Variants in DDHD1 observed in about 807,000 individuals in gnomAD.
DDHD1 encodes DDHD domain containing 1.
In DDHD1, 49 loss-of-function variants were observed where a neutral mutation model predicts 96.4. The ratio of observed to expected loss-of-function variants is 0.51; its 90% confidence interval spans 0.40 to 0.64. DDHD1 has a LOEUF of 0.64. Among genes scored for constraint, DDHD1 ranks in the 30% least tolerant of loss-of-function variants. DDHD1 has a pLI of 0.00. For synonymous variants in DDHD1, 442 were observed against 446.5 expected, an observed-to-expected ratio of 0.99 and a Z score of 0.13; for missense variants, 1,106 against 1,161.2, an observed-to-expected ratio of 0.95 and a Z score of 0.69.
At chr14:53,071,058 T>C (rs1884469169) in intron 6 of DDHD1, among the ~76,000 whole-genome samples, 1 of 152,148 alleles carries the variant, frequency 6.6e-6, no homozygotes, top group African/African-American at 2.4e-5. Flanking sequence ...ACAGTAACTC[T>C]TGACTACCAT....
At chr14:53,092,138 A>T (rs1295257970) in intron 3 of DDHD1, 6 of 377,636 alleles carry the variant, frequency 1.6e-5, no homozygotes, top group Non-Finnish European at 2.8e-5. Context: ...CAGAAACCAT[A>T]AAGAGAAAGA....
intron 4 of DDHD1, among the ~76,000 whole-genome samples, chr14:53,086,311 G>C (rs1355118956): frequency 1.3e-5 from 2 of 152,086 alleles, no homozygotes; most frequent in South Asian, 4.1e-4. Flanking sequence ...ACACCACAAA[G>C]ATACTCCTCG....
intron 1 of DDHD1, among the ~76,000 whole-genome samples, chr14:53,145,177 C>A (rs1890891527): frequency 6.6e-6 from 1 of 151,860 alleles, no homozygotes; most frequent in Non-Finnish European, 1.5e-5. Flanking sequence ...TAAAGCAGAG[C>A]ATTCCATGGC....
chr14:53,151,285 G>A (rs1453436558), intron 1 of DDHD1, among the ~76,000 whole-genome samples: 1 of 152,182 alleles, frequency 6.6e-6, no homozygotes, highest in Admixed American at 6.5e-5. Context: ...ATCTAAGTTA[G>A]GGCATTGGGC....
At chr14:53,110,248 CTT>C (rs1400217227) in intron 1 of DDHD1, among the ~76,000 whole-genome samples, 2 of 152,216 alleles carry the variant, frequency 1.3e-5, no homozygotes, top group Non-Finnish European at 2.9e-5. Flanking sequence ...CTAATCATTT[CTT>C]GTTTTATTTC....
Position 53,055,765 on chromosome 14 carries a change from C to G in DDHD1, c.2140G>C (p.Glu714Gln), listed in dbSNP as rs756486474. ...NPAKEPTSVS[E>Q]NEGISTIPSP... Reference sequence around the variant, plus strand: ...GGTATGGTTGAAATGCCTTCATTCTCTGAAACTGAGGTAGGTTCTTTAGCT... The same window carrying G: ...GGTATGGTTGAAATGCCTTCATTCTGTGAAACTGAGGTAGGTTCTTTAGCT... The change falls in exon 10 of 13, where the codon GAG (glutamate) becomes CAG (glutamine). Residue 714 changes from glutamate to glutamine, a missense_variant. By Grantham distance (29) the Glu-to-Gln change is conservative. Around this residue, in one of 2 missense-constraint regions of DDHD1, gnomAD observed 650 missense variants for 758.8 expected, o/e 0.86. Transcript: ENST00000673822. 1.2e-6 allele frequency: 2 copies of G among 1,614,010 alleles called. No homozygotes were observed. Among genetic ancestry groups the G allele is most frequent in the African/African-American group, 1.3e-5 (1 of 74,920 alleles).
chr14:53,065,014 C>T (rs1008008408), intron 6 of DDHD1, among the ~76,000 whole-genome samples: 1 of 152,116 alleles, frequency 6.6e-6, no homozygotes, highest in Non-Finnish European at 1.5e-5. Flanking sequence ...TGGGACATCT[C>T]AGCCAAGATT....
intron 1 of DDHD1, among the ~76,000 whole-genome samples, chr14:53,114,248 C>T (rs1274933212): frequency 6.6e-6 from 1 of 152,200 alleles, no homozygotes; most frequent in Non-Finnish European, 1.5e-5. Flanking sequence ...CTCTCATCTC[C>T]CTCGGACACA....
Position 53,037,773 on chromosome 14 carries a change from T to C in DDHD1, c.*8995A>G, listed in dbSNP as rs923862476. On this transcript the variant is annotated 3_prime_UTR_variant, in exon 13 of 13. Coordinates refer to ENST00000673822, the MANE Select transcript of DDHD1 (RefSeq NM_001160148.2). ...CAATTTCTGTTTTGTTGCAATTGCC[T>C]TTGGGGACTTAGCCAAAAGTTCTTT... The C allele has an allele frequency of 4.6e-5, 7 of 152,160 alleles. No individual in the cohort carries two copies. Among genetic ancestry groups the C allele is most frequent in the African/African-American group, 1.4e-4 (6 of 41,434 alleles). 9.4% of individuals were successfully genotyped at this position (152,160 alleles called of 1,614,324 possible). A position where few individuals can be genotyped will look rare whatever the true frequency, so the allele number is the denominator to read the frequency against.
chr14:53,137,588 T>A (rs764169233), intron 1 of DDHD1, among the ~76,000 whole-genome samples: 1 of 150,530 alleles, frequency 6.6e-6, no homozygotes, highest in Non-Finnish European at 1.5e-5. Flanking sequence ...TGAGACTCTT[T>A]CTCAAAAAAT....
chr14:53,085,000 C>T (rs1248665778), intron 4 of DDHD1, among the ~76,000 whole-genome samples: 1 of 152,244 alleles, frequency 6.6e-6, no homozygotes, highest in Non-Finnish European at 1.5e-5. Context: ...GGTCCCACAC[C>T]CACAGAGCCT....
chr14:53,134,329 A>T (rs1890077026), intron 1 of DDHD1, among the ~76,000 whole-genome samples: 1 of 151,906 alleles, frequency 6.6e-6, no homozygotes. Flanking sequence ...GCCACTCTTG[A>T]CTCCCTCTTG....
intron 1 of DDHD1, among the ~76,000 whole-genome samples, chr14:53,121,439 C>A (rs1293514025): frequency 6.6e-6 from 1 of 152,016 alleles, no homozygotes; most frequent in Non-Finnish European, 1.5e-5. Context: ...GGGTATATAC[C>A]CAAAGGATTA....
intron 8 of DDHD1, among the ~76,000 whole-genome samples, chr14:53,058,977 C>T (rs1377634251): frequency 1.3e-5 from 2 of 152,292 alleles, no homozygotes; most frequent in South Asian, 4.1e-4. Context: ...TAAGACACAG[C>T]TTCTGCACTC....
intron 6 of DDHD1, among the ~76,000 whole-genome samples, chr14:53,072,350 T>A (rs1209797840): frequency 6.6e-6 from 1 of 152,040 alleles, no homozygotes; most frequent in East Asian, 1.9e-4. Context: ...TTAATTAGAT[T>A]TATGAAAAAT....
chr14:53,082,946 T>G (rs536474408), intron 4 of DDHD1, among the ~76,000 whole-genome samples: 34 of 152,214 alleles, frequency 2.2e-4, no homozygotes, highest in Admixed American at 1.8e-3. Context: ...ATGCACCTTT[T>G]GTGTGGAAAA....
chr14:53,088,306 C>T (rs1210649418), intron 4 of DDHD1, among the ~76,000 whole-genome samples: 1 of 152,196 alleles, frequency 6.6e-6, no homozygotes, highest in Non-Finnish European at 1.5e-5. Context: ...GGAATCCTCC[C>T]TAACTCATTT....
At chr14:53,126,507 C>T (rs141470259) in intron 1 of DDHD1, among the ~76,000 whole-genome samples, 37 of 152,306 alleles carry the variant, frequency 2.4e-4, no homozygotes, top group African/African-American at 8.7e-4. Flanking sequence ...GCTGGGACTA[C>T]AGGCATGCGC....
intron 1 of DDHD1, among the ~76,000 whole-genome samples, chr14:53,142,561 G>A (rs1393694844): frequency 1.3e-5 from 2 of 152,128 alleles, no homozygotes; most frequent in Non-Finnish European, 2.9e-5. Context: ...CAAAAATCCT[G>A]GTAGCTGGGA....
Sources: allele counts gnomAD v4.1 joint callset (sites outside exome capture counted in the v4.1 genomes callset), GRCh38; gene constraint gnomAD v4.1.1; regional missense constraint gnomAD v4.1.1; transcripts MANE v1.5; gene names NCBI Gene and HGNC (gene_info 2026-07-23, HGNC 2026-07-21).